DNAJB1: variants seen among roughly 807,000 people sequenced by gnomAD.
DNAJB1 encodes the protein DnaJ heat shock protein family (Hsp40) member B1.
Under a neutral mutation model 24.0 loss-of-function variants are expected in DNAJB1, and 14 were observed. The observed-to-expected ratio is 0.58, with a 90% confidence interval of 0.39 to 0.91. The LOEUF is 0.91. Ranked by LOEUF, DNAJB1 falls within the 40% of genes least tolerant of loss-of-function variation. DNAJB1 has a pLI of 0.00. For synonymous variants in DNAJB1, 262 were observed against 174.4 expected, an observed-to-expected ratio of 1.50 and a Z score of -3.96; for missense variants, 517 against 458.1, an observed-to-expected ratio of 1.13 and a Z score of -1.17.
At chr19:14,556,843 C>T (rs756694550) in intron 1 of DNAJB1, among the ~76,000 whole-genome samples, 14 of 152,156 alleles carry the variant, frequency 9.2e-5, no homozygotes, top group Non-Finnish European at 1.6e-4. Flanking sequence ...CAGTGGGGAG[C>T]GTCGCAGCCT....
intron 1 of DNAJB1, among the ~76,000 whole-genome samples, chr19:14,544,598 C>T (rs904356520): frequency 6.7e-6 from 1 of 149,660 alleles, no homozygotes; most frequent in Admixed American, 6.7e-5. Flanking sequence ...TTCCATGAAC[C>T]GGGCTCATCT....
intron 2 of DNAJB1, 57 bp downstream of exon 2, chr19:14,516,409 A>C (rs1343958816): frequency 6.5e-7 from 1 of 1,550,156 alleles, no homozygotes; most frequent in African/African-American, 1.4e-5. Flanking sequence ...CAAATACTAA[A>C]CTGCTTCAAA....
chr19:14,520,542 C>T (rs1000932868), upstream of DNAJB1, among the ~76,000 whole-genome samples: 4 of 152,156 alleles, frequency 2.6e-5, no homozygotes, highest in East Asian at 3.9e-4. Flanking sequence ...TCTCTTGGCC[C>T]ACTCAATGAT....
chr19:14,549,260 T>TG lies in DNAJB1; in HGVS notation c.-214+947dup, dbSNP rs566176092. The stretch of plus-strand genomic sequence containing the variant: ...ATGGAGTCTCACTCTGTCGCCAGGC[T>TG]GGGGTGCAGTGGTGCGATCTCAGCT... On this transcript the variant is annotated intron_variant, in intron 1 of 3. Coordinates refer to the DNAJB1 transcript ENST00000676982. Among the ~76,000 whole-genome samples, 5 of 142,178 alleles carry TG rather than the reference T, an allele frequency of 3.5e-5. No homozygotes were observed. The South Asian group carries it at 1.2e-3, about 34-fold the overall frequency. 93.3% of individuals were successfully genotyped at this position (142,178 alleles called of 152,430 possible). A position where few individuals can be genotyped will look rare whatever the true frequency, so the allele number is the denominator to read the frequency against.
intron 1 of DNAJB1, among the ~76,000 whole-genome samples, chr19:14,549,908 G>T (rs969057708): frequency 6.6e-6 from 1 of 151,004 alleles, no homozygotes; most frequent in South Asian, 2.1e-4. Flanking sequence ...GTGCCACTGC[G>T]CTCCAGCCTG....
At chr19:14,549,847 G>A (rs2073433019) in intron 1 of DNAJB1, among the ~76,000 whole-genome samples, 2 of 152,004 alleles carry the variant, frequency 1.3e-5, no homozygotes, top group South Asian at 4.2e-4. Flanking sequence ...GGAGGCTGAG[G>A]CAGGAGAATC....
At position 14,518,308 on chromosome 19, in the gene DNAJB1, G is replaced by C. The variant is rs148338323; in HGVS notation, c.42C>G (p.Gly14=). The change falls in exon 1 of 3, where the codon GGC becomes GGG. Residue 14 remains glycine (G), a synonymous_variant. Transcript: ENST00000254322. ...DYYQTLGLAR[G]ASDEEIKRAY... ...CCCGCTTGATCTCCTCGTCCGACGC[G>C]CCGCGGGCCAGGCCCAACGTCTGGT... 2.4e-4 allele frequency: 381 copies of C among 1,606,946 alleles called. No individual in the cohort carries two copies. In the African/African-American group the frequency reaches 4.8e-3, roughly 20 times the overall value.
chr19:14,535,198 C>T (rs8113070), intron 1 of DNAJB1, among the ~76,000 whole-genome samples: 5 of 151,118 alleles, frequency 3.3e-5, no homozygotes, highest in Admixed American at 6.6e-5. Flanking sequence ...CATGGCGAAA[C>T]CCCCTCTCCA....
At chr19:14,529,669 G>A (rs1431737910), upstream of DNAJB1, 2 of 1,613,824 alleles carry the variant, frequency 1.2e-6, no homozygotes, top group South Asian at 2.2e-5. Context: ...CAGCAGCCGC[G>A]GAGCAGTAGC....
chr19:14,517,531 G>A (rs760584154), intron 1 of DNAJB1: 1 of 155,102 alleles, frequency 6.4e-6, no homozygotes, highest in Non-Finnish European at 1.4e-5. Flanking sequence ...TCCAGATCAA[G>A]CCCAGAAGCC....
At chr19:14,543,564 G>A (rs2073200753) in intron 1 of DNAJB1, among the ~76,000 whole-genome samples, 1 of 143,192 alleles carries the variant, frequency 7.0e-6, no homozygotes, top group African/African-American at 2.6e-5. Flanking sequence ...TCAGCCTCCC[G>A]AGTAGCTGGG....
At chr19:14,532,125 A>T (rs1309447219), upstream of DNAJB1, 1 of 152,106 alleles carries the variant, frequency 6.6e-6, no homozygotes, top group African/African-American at 2.4e-5. Flanking sequence ...ACAGTCAGAT[A>T]AAGTAGGCCT....
chr19:14,549,275 C>T (rs910692327), intron 1 of DNAJB1, among the ~76,000 whole-genome samples: 12 of 136,538 alleles, frequency 8.8e-5, no homozygotes, highest in South Asian at 4.9e-4. Flanking sequence ...TGCAGTGGTG[C>T]GATCTCAGCT....
intron 1 of DNAJB1, among the ~76,000 whole-genome samples, chr19:14,543,288 AGGGTG>A (rs1451947163): frequency 2.2e-5 from 2 of 89,040 alleles, no homozygotes; most frequent in Non-Finnish European, 4.6e-5. Flanking sequence ...AGGATTGCAG[AGGGTG>A]GGGTGGGGGT....
upstream of DNAJB1, among the ~76,000 whole-genome samples, chr19:14,550,827 C>T (rs1030193749): frequency 5.9e-5 from 9 of 152,058 alleles, no homozygotes; most frequent in East Asian, 1.9e-4. Context: ...ACTACAGGCC[C>T]GTACCACTAT....
At position 14,523,627 on chromosome 19, in the gene DNAJB1, T is replaced by G. The variant is rs139935837; in HGVS notation, c.-90+4099A>C. ...ACACCCGGCCTTGTTTTTGTTTTTTTTTTTTTTTGAGATGGGGTCTCACAC... is the reference window on the plus strand; with the variant it reads ...ACACCCGGCCTTGTTTTTGTTTTTTGTTTTTTTTGAGATGGGGTCTCACAC... On this transcript the variant is annotated intron_variant, in intron 2 of 3. Transcript: ENST00000396969. Among the ~76,000 whole-genome samples, 553 of 151,202 alleles carry G rather than the reference T, an allele frequency of 3.7e-3. 9 individuals are homozygous for G. The highest frequency in any genetic ancestry group is 0.013 in the African/African-American group (515 of 41,182).
At chr19:14,554,270 A>G (rs2073641491), upstream of DNAJB1, among the ~76,000 whole-genome samples, 1 of 152,146 alleles carries the variant, frequency 6.6e-6, no homozygotes, top group Non-Finnish European at 1.5e-5. Context: ...GGAACGTGAA[A>G]TAACTGTTGG....
At position 14,516,133 on chromosome 19, in the gene DNAJB1, T is replaced by G. The variant is rs770952866; in HGVS notation, c.830A>C (p.Asp277Ala). The G allele has an allele frequency of 3.1e-6, 5 of 1,613,244 alleles. No individual in the cohort carries two copies. In the African/African-American group the frequency reaches 6.7e-5, roughly 22 times the overall value. ...GAATACGACGGGTATCGTCCTGCCGTCCAGAGTGGGGACGTTCACTGTGCA... is the reference window on the plus strand; with the variant it reads ...GAATACGACGGGTATCGTCCTGCCGGCCAGAGTGGGGACGTTCACTGTGCA... ...CGCTVNVPTL[D>A]GRTIPVVFKD... Residue 277 changes from aspartate (D) to alanine (A), a missense_variant, in exon 3 of 3, where the codon GAC becomes GCC. Physicochemically the swap from Asp to Ala is moderately radical, Grantham distance 126. Transcript: ENST00000254322.
At position 14,515,256 on chromosome 19, in the gene DNAJB1, TG is replaced by T. The variant is rs2072235345; in HGVS notation, c.*683del. 6.6e-6 allele frequency: 1 copy of T among 152,654 alleles called. No homozygotes were observed. Among genetic ancestry groups the T allele is most frequent in the Non-Finnish European group, 1.5e-5 (1 of 68,058 alleles). 9.5% of individuals were successfully genotyped at this position (152,654 alleles called of 1,614,324 possible). A position where few individuals can be genotyped will look rare whatever the true frequency, so the allele number is the denominator to read the frequency against. ...ACAAAGTGAGGACATTCAGCTTCACTGGAGCCAGAGGTCAGGAAGGCCCCTT... is the reference window on the plus strand; with the variant it reads ...ACAAAGTGAGGACATTCAGCTTCACTGAGCCAGAGGTCAGGAAGGCCCCTT... On this transcript the variant is annotated 3_prime_UTR_variant, in exon 3 of 3. Transcript: ENST00000254322.
Sources: allele counts gnomAD v4.1 joint callset (sites outside exome capture counted in the v4.1 genomes callset), GRCh38; gene constraint gnomAD v4.1.1; transcripts MANE v1.5; gene names NCBI Gene and HGNC (gene_info 2026-07-23, HGNC 2026-07-21).